DCDC1: variants seen among roughly 807,000 people sequenced by gnomAD.
DCDC1 encodes doublecortin domain-containing protein 1.
DCDC1 carries 200 observed loss-of-function variants against 178.3 expected under a neutral mutation model. The ratio of observed to expected loss-of-function variants is 1.12; its 90% CI spans 1.00 to 1.26. The LOEUF is 1.26. Ranked by LOEUF, DCDC1 falls within the 50% of genes most tolerant of loss-of-function variation. The probability of loss-of-function intolerance (pLI) is 0.00; values close to 1 mark genes in which losing one functional copy is unlikely to be tolerated. For synonymous variants in DCDC1, 690 were observed against 604.8 expected (o/e 1.14, Z -2.07); for missense variants, 1,983 against 1,749.2 (o/e 1.13, Z -2.38).
intron 20 of DCDC1, among the ~76,000 whole-genome samples, chr11:31,026,559 T>C (rs1161774264): frequency 6.6e-6 from 1 of 151,884 alleles, no homozygotes; most frequent in African/African-American, 2.4e-5. Flanking sequence ...GTACAAATTC[T>C]TATGAAAACT....
intron 7 of DCDC1, among the ~76,000 whole-genome samples, chr11:31,278,277 T>G (rs1307846131): frequency 6.6e-6 from 1 of 152,142 alleles, no homozygotes; most frequent in Non-Finnish European, 1.5e-5. Context: ...TTTGATTATT[T>G]TAGCTTTATA....
At chr11:30,906,441 T>G in intron 30 of DCDC1, 99 bp downstream of exon 30, 3 of 1,190,170 alleles carry the variant, frequency 2.5e-6, no homozygotes, top group Non-Finnish European at 3.5e-6. Context: ...ATGAATTGGA[T>G]GAGTGGAGAT....
At chr11:31,265,253 A>G (rs1446961039) in intron 8 of DCDC1, among the ~76,000 whole-genome samples, 4 of 152,116 alleles carry the variant, frequency 2.6e-5, no homozygotes, top group Non-Finnish European at 5.9e-5. Context: ...TGTATTAATT[A>G]CTTTTATTTA....
At chr11:31,270,362 C>T (rs1001969112) in intron 7 of DCDC1, among the ~76,000 whole-genome samples, 1 of 152,220 alleles carries the variant, frequency 6.6e-6, no homozygotes, top group African/African-American at 2.4e-5. Flanking sequence ...GCTATAACAG[C>T]AAGGCTGAGA....
intron 8 of DCDC1, among the ~76,000 whole-genome samples, chr11:31,247,298 G>A (rs981336310): frequency 7.2e-5 from 11 of 151,764 alleles, no homozygotes; most frequent in African/African-American, 2.4e-4. Flanking sequence ...TAAACTGAAC[G>A]AAGTAGCTGT....
At chr11:31,168,404 A>T (rs1293813172) in intron 9 of DCDC1, among the ~76,000 whole-genome samples, 3 of 152,156 alleles carry the variant, frequency 2.0e-5, no homozygotes, top group South Asian at 2.1e-4. Context: ...TAATTATTTG[A>T]TATTTGTATA....
At chr11:31,141,774 T>C (rs1963855224) in intron 9 of DCDC1, among the ~76,000 whole-genome samples, 2 of 152,206 alleles carry the variant, frequency 1.3e-5, no homozygotes, top group African/African-American at 4.8e-5. Flanking sequence ...AGGTATTTTT[T>C]TGGAAAGTGC....
intron 26 of DCDC1, 145 bp from the exon 27 acceptor site, chr11:30,915,856 A>G (rs1329231159): frequency 5.4e-6 from 4 of 734,328 alleles, no homozygotes; most frequent in African/African-American, 5.3e-5. Flanking sequence ...TATCATTAGA[A>G]TGACGGCAAT....
intron 20 of DCDC1, among the ~76,000 whole-genome samples, chr11:31,017,662 C>T (rs1033899529): frequency 1.3e-5 from 2 of 152,166 alleles, no homozygotes; most frequent in African/African-American, 4.8e-5. Flanking sequence ...TCACTGCAGC[C>T]TTGGCCCCCT....
chr11:31,056,853 C>A (rs767217185), intron 20 of DCDC1, among the ~76,000 whole-genome samples: 2 of 152,104 alleles, frequency 1.3e-5, no homozygotes, highest in Non-Finnish European at 2.9e-5. Context: ...ACTGCACCCC[C>A]AAACTTCAGA....
intron 3 of DCDC1, among the ~76,000 whole-genome samples, chr11:31,310,928 G>A (rs1010717667): frequency 1.3e-5 from 2 of 152,140 alleles, no homozygotes; most frequent in Admixed American, 1.3e-4. Context: ...TGGCTGTCAA[G>A]GATACACTAG....
rs1024603005 is a variant in DCDC1 at position 30,864,359 on chromosome 11, T to C, written c.*1014A>G. On this transcript the variant is annotated 3_prime_UTR_variant, in exon 39 of 39. Coordinates refer to ENST00000684477, the MANE Select transcript of DCDC1 (RefSeq NM_001387274.1). ...AAAGATATATTTTAAGGATATAAGA[T>C]GTCTAGTTTATACCATGACATTTCT... The C allele has an allele frequency of 6.6e-6, 1 of 152,250 alleles. No individual in the cohort carries two copies. Among genetic ancestry groups the C allele is most frequent in the Non-Finnish European group, 1.5e-5 (1 of 68,050 alleles). 9.4% of individuals were successfully genotyped at this position (152,250 alleles called of 1,614,324 possible). A position where few individuals can be genotyped will look rare whatever the true frequency, so the allele number is the denominator to read the frequency against.
At chr11:31,190,963 T>C (rs537112457) in intron 9 of DCDC1, among the ~76,000 whole-genome samples, 1 of 152,140 alleles carries the variant, frequency 6.6e-6, no homozygotes, top group Non-Finnish European at 1.5e-5. Flanking sequence ...TACCAAAATC[T>C]AAGGATTCTC....
chr11:30,898,216 A>T (rs990932188), intron 34 of DCDC1, among the ~76,000 whole-genome samples: 2 of 152,158 alleles, frequency 1.3e-5, no homozygotes, highest in Non-Finnish European at 2.9e-5. Flanking sequence ...ACCTTGCAAG[A>T]TTTTGTGCCT....
chr11:31,218,729 G>T (rs115661726), intron 9 of DCDC1, among the ~76,000 whole-genome samples: 2,868 of 152,212 alleles, frequency 0.019, 90 homozygotes, highest in African/African-American at 0.065. Context: ...TCTAAGTAAC[G>T]TTAATATTTC....
intron 6 of DCDC1, among the ~76,000 whole-genome samples, chr11:31,304,710 T>C (rs1329596823): frequency 6.6e-6 from 1 of 152,154 alleles, no homozygotes; most frequent in East Asian, 1.9e-4. Flanking sequence ...AATTACTGCC[T>C]AGACTTGCCT....
intron 9 of DCDC1, among the ~76,000 whole-genome samples, chr11:31,238,824 T>C (rs559656869): frequency 6.6e-6 from 1 of 152,216 alleles, no homozygotes; most frequent in African/African-American, 2.4e-5. Flanking sequence ...CTGTTCTAAA[T>C]AAAATATCTC....
intron 20 of DCDC1, among the ~76,000 whole-genome samples, chr11:31,020,055 T>A (rs1181755122): frequency 6.6e-6 from 1 of 152,222 alleles, no homozygotes; most frequent in East Asian, 1.9e-4. Context: ...TTGTTTAGTC[T>A]CCAACTACAA....
chr11:30,910,685 G>A (rs1403060086), intron 28 of DCDC1, among the ~76,000 whole-genome samples: 3 of 151,924 alleles, frequency 2.0e-5, no homozygotes, highest in African/African-American at 7.3e-5. Context: ...TTTAAGAGTG[G>A]TTTTGGTTAT....
Sources: allele counts gnomAD v4.1 joint callset (sites outside exome capture counted in the v4.1 genomes callset), GRCh38; gene constraint gnomAD v4.1.1; transcripts MANE v1.5; gene names NCBI Gene and HGNC (gene_info 2026-07-23, HGNC 2026-07-21).